The following OTUD7A variants were observed in gnomAD, a reference collection of about 807,000 sequenced individuals.
OTUD7A encodes the protein OTU deubiquitinase 7A.
Under a neutral mutation model 65.7 loss-of-function variants are expected in OTUD7A, and 12 were observed. The ratio of observed to expected loss-of-function variants is 0.18; its 90% CI spans 0.12 to 0.30. The LOEUF (loss-of-function observed/expected upper bound fraction) is 0.30, where lower values mean the gene tolerates loss of function less well. Ranked by LOEUF, OTUD7A falls within the 10% of genes least tolerant of loss-of-function variation. The pLI is 1.00. For synonymous variants in OTUD7A, 641 were observed against 586.3 expected (o/e 1.09, Z -1.35); for missense variants, 1,148 against 1,304.8 (o/e 0.88, Z 1.85).
intron 1 of OTUD7A, among the ~76,000 whole-genome samples, chr15:31,667,095 T>C (rs1469718477): frequency 6.6e-6 from 1 of 152,214 alleles, no homozygotes; most frequent in Non-Finnish European, 1.5e-5. Flanking sequence ...GAATAGAATG[T>C]GCATTCCGTG....
In OTUD7A at chr15:31,484,483, T is replaced by C; in HGVS notation, c.1613A>G (p.Asn538Ser). The C allele has an allele frequency of 1.2e-6, 2 of 1,607,948 alleles. No individual in the cohort carries two copies. Among genetic ancestry groups the C allele is most frequent in the Admixed American group, 1.7e-5 (1 of 60,016 alleles). ...SKTLGIKLKK[N>S]MGGLGGLVHG... ...CACCAGGCCGCCGAGGCCGCCCATG[T>C]TTTTCTTCAGCTTGATGCCCAGCGT... Residue 538 changes from asparagine to serine, a missense_variant, in exon 13 of 13, where the codon AAC (asparagine) becomes AGC (serine). Physicochemically the swap from Asn to Ser is conservative, Grantham distance 46. This residue lies in a region of OTUD7A where 842 missense variants were observed against 769.5 expected (regional missense o/e 1.09). Coordinates refer to ENST00000307050, the MANE Select transcript of OTUD7A (RefSeq NM_001382637.1). This position sits in a 1 kb window ranked among gnomAD's most constrained non-coding sequence, Gnocchi z 4.5.
chr15:31,775,103 C>G (rs1443138145), intron 1 of OTUD7A, among the ~76,000 whole-genome samples: 2 of 151,868 alleles, frequency 1.3e-5, no homozygotes. Flanking sequence ...CACACACACA[C>G]ACACACACAC....
chr15:31,586,694 C>G (rs927603647), intron 3 of OTUD7A, among the ~76,000 whole-genome samples: 1 of 152,174 alleles, frequency 6.6e-6, no homozygotes, highest in Non-Finnish European at 1.5e-5. Flanking sequence ...TCCCCGACTC[C>G]CACCACTCCC....
chr15:31,775,021 C>A (rs1464820505), intron 1 of OTUD7A, among the ~76,000 whole-genome samples: 1 of 150,932 alleles, frequency 6.6e-6, no homozygotes, highest in African/African-American at 2.4e-5. Flanking sequence ...CACAACATCA[C>A]ATCCAAACAC....
rs745866687 is a variant in OTUD7A at position 31,484,571 on chromosome 15, G to A, written c.1525C>T (p.Arg509Cys). The change falls in exon 13 of 13, where the codon CGC becomes TGC. Residue 509 changes from arginine to cysteine, a missense_variant. Around this residue, in one of 6 missense-constraint regions of OTUD7A, gnomAD observed 842 missense variants for 769.5 expected, o/e 1.09. Transcript: ENST00000307050. This position sits in a 1 kb window ranked among gnomAD's most constrained non-coding sequence, Gnocchi z 4.5. ...GCGCGCGTCTTGTCCTTCTCCTTGC[G>A]CTGCTTCTCCTTCTCCTTGTCCTTG... ...NGKDKEKEKQRKEKDKTRADS... is the reference protein window; with the variant it reads ...NGKDKEKEKQCKEKDKTRADS... 4 of 1,610,880 alleles carry A rather than the reference G, an allele frequency of 2.5e-6. No individual in the cohort carries two copies. The highest frequency in any genetic ancestry group is 3.3e-5 in the Admixed American group (2 of 59,840).
intron 5 of OTUD7A, among the ~76,000 whole-genome samples, chr15:31,531,091 T>C (rs1887607244): frequency 6.6e-6 from 1 of 152,196 alleles, no homozygotes; most frequent in Admixed American, 6.5e-5. Context: ...AGATAAAACA[T>C]TTCTTTGTAA....
intron 1 of OTUD7A, among the ~76,000 whole-genome samples, chr15:31,689,834 C>T (rs576693735): frequency 1.4e-4 from 22 of 152,206 alleles, no homozygotes; most frequent in East Asian, 7.7e-4. Flanking sequence ...TGCTTCTCAG[C>T]GGGGCTCAAA....
chr15:31,816,132 C>G (rs1342414909), intron 1 of OTUD7A, among the ~76,000 whole-genome samples: 1 of 152,198 alleles, frequency 6.6e-6, no homozygotes, highest in Non-Finnish European at 1.5e-5. Context: ...GGGCTCCGGC[C>G]TCTTTCCAGC....
At chr15:31,515,948 A>ATCCC (rs2041846291) in intron 8 of OTUD7A, among the ~76,000 whole-genome samples, 1 of 147,074 alleles carries the variant, frequency 6.8e-6, no homozygotes, top group East Asian at 2.0e-4. Flanking sequence ...CCATCCATCC[A>ATCCC]TCCATCCACC....
chr15:31,592,374 T>C (rs1349541937), intron 3 of OTUD7A, among the ~76,000 whole-genome samples: 2 of 141,676 alleles, frequency 1.4e-5, no homozygotes, highest in Non-Finnish European at 3.1e-5. Flanking sequence ...TTCTATAATC[T>C]TTTTTTAAAA....
chr15:31,798,018 T>C (rs143831958), intron 1 of OTUD7A, among the ~76,000 whole-genome samples: 3 of 152,210 alleles, frequency 2.0e-5, no homozygotes, highest in Admixed American at 6.5e-5. Flanking sequence ...CGTCTTCACA[T>C]GGGCATTGCT....
At chr15:31,531,835 C>T (rs573610678) in intron 5 of OTUD7A, among the ~76,000 whole-genome samples, 3 of 152,280 alleles carry the variant, frequency 2.0e-5, no homozygotes, top group Middle Eastern at 3.4e-3. Context: ...AGCACCTTGC[C>T]CTCTATCTTC....
Position 31,504,073 on chromosome 15 carries a change from G to A in OTUD7A, c.894-255C>T, listed in dbSNP as rs148725258. ...AAAGAGCCCGCAGGTGAAGGGTGCCGGCCGCTGTGAAGGCGAGTCTCTCTG... is the reference window on the plus strand; with the variant it reads ...AAAGAGCCCGCAGGTGAAGGGTGCCAGCCGCTGTGAAGGCGAGTCTCTCTG... On this transcript the variant is annotated intron_variant, in intron 8 of 12. Coordinates refer to ENST00000307050, the MANE Select transcript of OTUD7A (RefSeq NM_001382637.1). 2.4e-4 allele frequency among the ~76,000 whole-genome samples: 36 copies of A among 152,316 alleles called. No homozygotes were observed. In the Middle Eastern group the frequency reaches 0.02, roughly 86 times the overall value.
intron 10 of OTUD7A, among the ~76,000 whole-genome samples, chr15:31,495,827 A>AG (rs2041374624): frequency 6.6e-6 from 1 of 152,078 alleles, no homozygotes; most frequent in Admixed American, 6.5e-5. Context: ...GTACTTTGGG[A>AG]GGCTGAGGTG....
intron 1 of OTUD7A, among the ~76,000 whole-genome samples, chr15:31,682,784 T>C (rs1224573522): frequency 6.6e-6 from 1 of 152,220 alleles, no homozygotes; most frequent in Non-Finnish European, 1.5e-5. Flanking sequence ...TGCATGTCCA[T>C]GTGAGTGTGC....
chr15:31,624,062 T>C (rs1348351248), intron 3 of OTUD7A, among the ~76,000 whole-genome samples: 2 of 152,268 alleles, frequency 1.3e-5, no homozygotes, highest in African/African-American at 4.8e-5. Flanking sequence ...CTTTGCTTTG[T>C]AGTAGGTTTT....
Position 31,493,497 on chromosome 15 carries a change from T to C in OTUD7A, c.1172-5931A>G, listed in dbSNP as rs149429696. On this transcript the variant is annotated intron_variant, in intron 10 of 12. Transcript: ENST00000307050. Reference sequence around the variant, plus strand: ...AAGTAGGCAGAAACCAGTAAGGATATAGAAGAACTGAGCTGCACTCTCAGA... The same window carrying C: ...AAGTAGGCAGAAACCAGTAAGGATACAGAAGAACTGAGCTGCACTCTCAGA... Among the ~76,000 whole-genome samples the C allele has an allele frequency of 7.9e-5, 12 of 152,382 alleles. No individual in the cohort carries two copies. In the East Asian group the frequency reaches 1.5e-3, roughly 20 times the overall value.
At chr15:31,736,903 C>T (rs62002704) in intron 1 of OTUD7A, among the ~76,000 whole-genome samples, 1 of 152,040 alleles carries the variant, frequency 6.6e-6, no homozygotes. Context: ...CTCACTACAA[C>T]CTCCACCTCC....
chr15:31,503,664 TACAACAC>T lies in OTUD7A; in HGVS notation c.1021+20_1021+26del. On this transcript the variant is annotated intron_variant, in intron 9 of 12. Coordinates refer to ENST00000307050, the MANE Select transcript of OTUD7A (RefSeq NM_001382637.1). ...GATGCTATGCTTTCTGTGTCATGAA[TACAACAC>T]ATCTCTTTGAGGAACTTACCTTCTC... 1.9e-6 allele frequency: 3 copies of T among 1,613,894 alleles called. No individual in the cohort carries two copies. The South Asian group carries it at 3.3e-5, about 18-fold the overall frequency.
Sources: gnomAD v4.1 joint callset for allele counts (sites outside exome capture counted in the v4.1 genomes callset) on GRCh38, gnomAD v4.1.1 for gene constraint, gnomAD v4.1.1 regional missense constraint, Gnocchi (gnomAD v3.1) non-coding constraint, MANE v1.5 for transcripts, NCBI Gene and HGNC (gene_info 2026-07-23, HGNC 2026-07-21) for gene names.